Variants in TOX observed in about 807,000 individuals in gnomAD.
TOX encodes thymocyte selection associated high mobility group box.
Under a neutral mutation model 53.7 loss-of-function variants are expected in TOX, and 11 were observed. The ratio of observed to expected loss-of-function variants is 0.20; its 90% CI spans 0.13 to 0.34. The LOEUF is 0.34. TOX is among the 10% of genes least tolerant of loss of function. TOX has a pLI of 1.00. For synonymous variants in TOX, 225 were observed against 245.3 expected (o/e 0.92, Z 0.77); for missense variants, 570 against 664.6 (o/e 0.86, Z 1.56).
intron 6 of TOX, among the ~76,000 whole-genome samples, chr8:58,818,458 T>C (rs1030356621): frequency 6.6e-6 from 1 of 152,190 alleles, no homozygotes; most frequent in Non-Finnish European, 1.5e-5. Flanking sequence ...GGTGCTCCAA[T>C]ATAAGTTATT....
chr8:58,955,494 T>C (rs1397311297), intron 2 of TOX, among the ~76,000 whole-genome samples: 1 of 152,102 alleles, frequency 6.6e-6, no homozygotes, highest in Non-Finnish European at 1.5e-5. Flanking sequence ...GAGGAAGTGA[T>C]TTATTAAAAA....
chr8:58,992,742 A>G (rs1010115070), intron 1 of TOX: 4 of 152,216 alleles, frequency 2.6e-5, no homozygotes, highest in African/African-American at 9.6e-5. Context: ...TTTTGAAGCC[A>G]ACTGTACAGA....
chr8:59,016,430 T>C (rs1814010900), intron 1 of TOX, among the ~76,000 whole-genome samples: 1 of 152,186 alleles, frequency 6.6e-6, no homozygotes, highest in South Asian at 2.1e-4. Context: ...TTAGTATACA[T>C]TGTATTAAAT....
intron 3 of TOX, among the ~76,000 whole-genome samples, chr8:58,873,624 C>G (rs1392057153): frequency 1.3e-5 from 2 of 152,134 alleles, no homozygotes; most frequent in Non-Finnish European, 2.9e-5. Flanking sequence ...CTGTATACTA[C>G]AATCTCATGT....
intron 1 of TOX, among the ~76,000 whole-genome samples, chr8:58,993,341 C>T (rs190308508): frequency 1.3e-5 from 2 of 152,180 alleles, no homozygotes; most frequent in African/African-American, 2.4e-5. Flanking sequence ...TATGGCTGGA[C>T]CCTTTTCAAG....
At chr8:58,913,088 G>C (rs1245304200) in intron 3 of TOX, among the ~76,000 whole-genome samples, 1 of 152,228 alleles carries the variant, frequency 6.6e-6, no homozygotes, top group Non-Finnish European at 1.5e-5. Flanking sequence ...TCCATTGAAT[G>C]AATGTTTGGT....
chr8:59,048,089 T>TA (rs1352602307), intron 1 of TOX, among the ~76,000 whole-genome samples: 1 of 152,144 alleles, frequency 6.6e-6, no homozygotes, highest in Non-Finnish European at 1.5e-5. Flanking sequence ...TTCCTGAAAG[T>TA]AAAAAGTAAT....
At chr8:59,016,763 A>T (rs1400839221) in intron 1 of TOX, among the ~76,000 whole-genome samples, 1 of 152,272 alleles carries the variant, frequency 6.6e-6, no homozygotes, top group South Asian at 2.1e-4. Flanking sequence ...AGGCCATTTA[A>T]GCTTATGTAA....
intron 3 of TOX, among the ~76,000 whole-genome samples, chr8:58,908,142 G>T (rs1811849665): frequency 6.6e-6 from 1 of 152,012 alleles, no homozygotes; most frequent in African/African-American, 2.4e-5. Flanking sequence ...TCCCCTCAAT[G>T]CAAATGTCTA....
chr8:59,098,998 T>C (rs1253518834), intron 1 of TOX, among the ~76,000 whole-genome samples: 1 of 152,230 alleles, frequency 6.6e-6, no homozygotes, highest in Non-Finnish European at 1.5e-5. Context: ...CTACTCTCGA[T>C]TAAATTTCAC....
At chr8:58,819,416 A>G (rs1213146964) in intron 6 of TOX, among the ~76,000 whole-genome samples, 2 of 152,194 alleles carry the variant, frequency 1.3e-5, no homozygotes, top group Admixed American at 1.3e-4. Flanking sequence ...TCACAGAAGG[A>G]ATGTGTTCTT....
chr8:58,908,293 C>T (rs1447141990), intron 3 of TOX, among the ~76,000 whole-genome samples: 1 of 152,090 alleles, frequency 6.6e-6, no homozygotes, highest in Non-Finnish European at 1.5e-5. Flanking sequence ...TACACGTAAC[C>T]CAGCCCACAC....
chr8:58,985,497 G>C (rs1813311000), intron 1 of TOX, among the ~76,000 whole-genome samples: 1 of 152,138 alleles, frequency 6.6e-6, no homozygotes, highest in African/African-American at 2.4e-5. Flanking sequence ...CAGGGGCTAG[G>C]AGGTAGAAAA....
At chr8:58,903,881 C>A (rs1225269429) in intron 3 of TOX, among the ~76,000 whole-genome samples, 7 of 152,122 alleles carry the variant, frequency 4.6e-5, no homozygotes, top group Admixed American at 4.6e-4. Context: ...ACCCTGCACC[C>A]CAGCCTGATC....
At chr8:58,986,107 A>C (rs962721155) in intron 1 of TOX, among the ~76,000 whole-genome samples, 18 of 152,124 alleles carry the variant, frequency 1.2e-4, no homozygotes, top group African/African-American at 4.3e-4. Context: ...AATCCTCACT[A>C]CTCTTTTAAA....
At chr8:58,896,192 T>C (rs939471516) in intron 3 of TOX, among the ~76,000 whole-genome samples, 2 of 152,104 alleles carry the variant, frequency 1.3e-5, no homozygotes, top group Non-Finnish European at 2.9e-5. Flanking sequence ...AATCAGGCCA[T>C]GGCCAGCCCA....
intron 1 of TOX, among the ~76,000 whole-genome samples, chr8:59,085,268 T>C (rs924270042): frequency 2.6e-5 from 4 of 152,258 alleles, no homozygotes; most frequent in African/African-American, 7.2e-5. Context: ...AACTGAAGGC[T>C]GAATTCAACT....
intron 5 of TOX, among the ~76,000 whole-genome samples, chr8:58,828,434 T>C: frequency 6.6e-6 from 1 of 151,836 alleles, no homozygotes; most frequent in East Asian, 1.9e-4. Flanking sequence ...ATAATCAATG[T>C]GCCATCATCC....
chr8:58,943,907 G>C (rs1482193463), intron 2 of TOX, among the ~76,000 whole-genome samples: 2 of 152,182 alleles, frequency 1.3e-5, no homozygotes, highest in African/African-American at 4.8e-5. Flanking sequence ...AGGGACTACA[G>C]GGTGAAAATC....
Sources: allele counts gnomAD v4.1 joint callset (sites outside exome capture counted in the v4.1 genomes callset), GRCh38; gene constraint gnomAD v4.1.1; transcripts MANE v1.5; gene names NCBI Gene and HGNC (gene_info 2026-07-23, HGNC 2026-07-21).